Variants in GET1 observed in about 807,000 individuals in gnomAD.
The protein encoded by GET1 is guided entry of tail-anchored proteins factor 1, also known as congenital heart disease 5 protein.
In GET1, 20 loss-of-function variants were observed where a neutral mutation model predicts 22.6. That is an observed-to-expected ratio of 0.89 (90% CI 0.62 to 1.29). The LOEUF is 1.29. Ranked by LOEUF, GET1 falls within the 50% of genes most tolerant of loss-of-function variation. GET1 has a pLI of 0.00. For missense variants in GET1, 209 were observed against 219.9 expected, an observed-to-expected ratio of 0.95 and a Z score of 0.31; for synonymous variants, 92 against 83.8, an observed-to-expected ratio of 1.10 and a Z score of -0.53.
At chr21:39,387,550 G>C (rs1004667809) in intron 1 of GET1, among the ~76,000 whole-genome samples, 1 of 152,130 alleles carries the variant, frequency 6.6e-6, no homozygotes, top group Admixed American at 6.5e-5. Flanking sequence ...ATAGTGCTGG[G>C]TAGTGGCCAG....
chr21:39,417,332 A>G (rs1330707209), intron 1 of GET1, among the ~76,000 whole-genome samples: 2 of 152,022 alleles, frequency 1.3e-5, no homozygotes, highest in African/African-American at 2.4e-5. Flanking sequence ...GAGCCACTGT[A>G]CCCAGCTGCT....
At chr21:39,391,278 C>G in intron 2 of GET1, 2 of 222,366 alleles carry the variant, frequency 9.0e-6, no homozygotes, top group South Asian at 1.3e-4. Flanking sequence ...GGTCCAGTGT[C>G]CTGTGATGAA....
At chr21:39,395,176 T>TTC (rs562964903) in intron 4 of GET1, among the ~76,000 whole-genome samples, 13 of 152,022 alleles carry the variant, frequency 8.6e-5, no homozygotes, top group Admixed American at 2.6e-4. Context: ...CCTGGCAAAT[T>TTC]TCTTTATTAA....
intron 4 of GET1, among the ~76,000 whole-genome samples, chr21:39,393,487 A>T (rs1209504567): frequency 6.6e-6 from 1 of 152,160 alleles, no homozygotes; most frequent in East Asian, 1.9e-4. Context: ...AATGTTAAGG[A>T]GCAAAGCTAG....
At chr21:39,384,844 C>T (rs561239375) in intron 1 of GET1, among the ~76,000 whole-genome samples, 9 of 152,244 alleles carry the variant, frequency 5.9e-5, no homozygotes, top group Admixed American at 3.9e-4. Flanking sequence ...CCTCTCTAAC[C>T]TCAACCCAGT....
downstream of GET1, chr21:39,409,950 T>G: frequency 8.1e-7 from 1 of 1,230,384 alleles, no homozygotes; most frequent in South Asian, 1.3e-5. This position sits in a 1 kb window ranked among gnomAD's most constrained non-coding sequence, Gnocchi z 4.2. Flanking sequence ...AGAAATCAGA[T>G]AAGATAGACT....
intron 1 of GET1, among the ~76,000 whole-genome samples, chr21:39,426,441 A>G (rs1468736357): frequency 6.6e-6 from 1 of 152,208 alleles, no homozygotes; most frequent in African/African-American, 2.4e-5. Context: ...AATGTAGTAT[A>G]TAGATTCAAG....
chr21:39,412,321 A>G (rs143121614), intron 1 of GET1, among the ~76,000 whole-genome samples: 1,864 of 152,112 alleles, frequency 0.012, 37 homozygotes, highest in African/African-American at 0.042. Context: ...GCCGGGGGGG[A>G]AGCCTAGAAC....
intron 1 of GET1, among the ~76,000 whole-genome samples, chr21:39,412,779 A>G (rs1444034328): frequency 6.6e-6 from 1 of 152,192 alleles, no homozygotes; most frequent in Non-Finnish European, 1.5e-5. Context: ...CAAGCCCCTT[A>G]AAAAGCGCCT....
intron 1 of GET1, chr21:39,413,772 T>A (rs1569074009): frequency 6.6e-6 from 1 of 152,222 alleles, no homozygotes; most frequent in African/African-American, 2.4e-5. Context: ...GAATGAGTTT[T>A]CATCCACACT....
At position 39,391,635 on chromosome 21, in the gene GET1, T is replaced by C. The variant is rs924542978; in HGVS notation, c.269-134T>C. ...GACTTAAAAATTCTATTTTATATTT[T>C]CTAAATATGTTGAGCGATTGTTCCA... On this transcript the variant is annotated intron_variant, in intron 2 of 4. Coordinates refer to ENST00000649170, the MANE Select transcript of GET1 (RefSeq NM_004627.6). 4 of 862,486 alleles carry C rather than the reference T, an allele frequency of 4.6e-6. No individual in the cohort carries two copies. The African/African-American group carries it at 6.9e-5, about 15-fold the overall frequency. 53.4% of individuals were successfully genotyped at this position (862,486 alleles called of 1,614,324 possible).
chr21:39,411,220 G>A, downstream of GET1: 1 of 248,558 alleles, frequency 4.0e-6, no homozygotes, highest in Non-Finnish European at 8.0e-6. Flanking sequence ...TGAGGTAGGG[G>A]ACTACTGACT....
At chr21:39,416,507 C>T (rs1435675719) in intron 1 of GET1, among the ~76,000 whole-genome samples, 5 of 152,114 alleles carry the variant, frequency 3.3e-5, no homozygotes, top group Non-Finnish European at 5.9e-5. Flanking sequence ...TTTAGGGAGC[C>T]TTGGTTTGTT....
chr21:39,409,931 C>T, downstream of GET1: 1 of 1,118,364 alleles, frequency 8.9e-7, no homozygotes, highest in Non-Finnish European at 1.3e-6. This position sits in a 1 kb window ranked among gnomAD's most constrained non-coding sequence, Gnocchi z 4.2. Flanking sequence ...TAGTAATTCA[C>T]AATTTTAAAG....
At chr21:39,406,193 C>G (rs752919914) in exon 5 of GET1, 4 of 1,614,244 alleles carry the variant, frequency 2.5e-6, no homozygotes, top group East Asian at 4.5e-5. Flanking sequence ...TCAGAATGCT[C>G]TAGCTCCATT....
downstream of GET1, among the ~76,000 whole-genome samples, chr21:39,400,432 G>C (rs1393650793): frequency 1.3e-5 from 2 of 152,142 alleles, no homozygotes; most frequent in Non-Finnish European, 2.9e-5. Flanking sequence ...GAGCTTTTCT[G>C]TACTCCTCCT....
chr21:39,428,306 G>A lies in GET1; in HGVS notation c.*98G>A, dbSNP rs765570033. On this transcript the variant is annotated 3_prime_UTR_variant, in exon 2 of 2. Transcript: ENST00000478273. Reference sequence around the variant, plus strand: ...AAAGTCTTCTGAATAATCATACTGAGAACTTAAACTTCCACAGGAGCACTG... The same window carrying A: ...AAAGTCTTCTGAATAATCATACTGAAAACTTAAACTTCCACAGGAGCACTG... 8.1e-6 allele frequency: 13 copies of A among 1,612,504 alleles called. 1 individual carries two copies. The South Asian group carries it at 1.3e-4, about 16-fold the overall frequency.
exon 5 of GET1, chr21:39,405,970 C>T (rs779527952): frequency 3.1e-6 from 5 of 1,614,000 alleles, no homozygotes; most frequent in African/African-American, 2.7e-5. Context: ...GAAAGCATGG[C>T]TGGTGGAGGC....
chr21:39,411,673 T>C, intron 1 of GET1: 2 of 977,304 alleles, frequency 2.0e-6, no homozygotes, highest in Non-Finnish European at 3.1e-6. Flanking sequence ...AAAATCTGAC[T>C]AGATACTTAA....
Sources: gnomAD v4.1 joint callset for allele counts (sites outside exome capture counted in the v4.1 genomes callset) on GRCh38, gnomAD v4.1.1 for gene constraint, Gnocchi (gnomAD v3.1) non-coding constraint, MANE v1.5 for transcripts, NCBI Gene and HGNC (gene_info 2026-07-23, HGNC 2026-07-21) for gene names.